CFAP74: variants seen among roughly 807,000 people sequenced by gnomAD.
CFAP74 encodes cilia- and flagella-associated protein 74.
In CFAP74, 124 loss-of-function variants were observed where a neutral mutation model predicts 188.9. That is an observed-to-expected ratio of 0.66 (90% CI 0.57 to 0.76). The LOEUF (loss-of-function observed/expected upper bound fraction) is 0.76, where lower values mean the gene tolerates loss of function less well. Ranked by LOEUF, CFAP74 falls within the 30% of genes least tolerant of loss-of-function variation. The pLI is 0.00. For synonymous variants in CFAP74, 956 were observed against 916.7 expected (o/e 1.04, Z -0.77); for missense variants, 2,198 against 2,165.2 (o/e 1.02, Z -0.30).
Position 1,922,648 on chromosome 1 carries a change from C to A in CFAP74, c.4759G>T (p.Val1587Leu), listed in dbSNP as rs368807816. 5.9e-4 allele frequency: 954 copies of A among 1,603,390 alleles called. 14 individuals are homozygous for A. The South Asian group carries it at 0.01, about 17-fold the overall frequency. ...GFSIEPSRGSVERGQTKTISI... is the reference protein window; with the variant it reads ...GFSIEPSRGSLERGQTKTISI... ...ATGGTCTTCGTCTGGCCGCGCTCCA[C>A]GGAGCCCCTGGAGGGCTCAATAGAG... is the stretch of plus-strand genomic sequence containing the variant. The change falls in exon 38 of 39, where the codon GTG becomes TTG. Residue 1587 changes from valine to leucine, a missense_variant. Coordinates refer to ENST00000682832, the MANE Select transcript of CFAP74 (RefSeq NM_001304360.2).
Position 1,990,934 on chromosome 1 carries a change from A to G in CFAP74, c.23T>C (p.Leu8Pro). 6.2e-7 allele frequency: 1 copy of G among 1,613,200 alleles called. No individual in the cohort carries two copies. ...ATCGGCCAAAAGCTCGTCCTCAGGG[A>G]GCAGGCTGCCGTCATCCTCCATGCT... Reference protein sequence around the residue: MEDDGSLLPEDELLADAL... With the variant: MEDDGSLPPEDELLADAL... The change falls in exon 2 of 39, where the codon CTC becomes CCC. Residue 8 changes from leucine (L) to proline (P), a missense_variant. Physicochemically the swap from Leu to Pro is moderately conservative, Grantham distance 98. Coordinates refer to ENST00000682832, the MANE Select transcript of CFAP74 (RefSeq NM_001304360.2).
chr1:1,932,396 CAAA>C (rs374579472), intron 25 of CFAP74, among the ~76,000 whole-genome samples: 10 of 98,240 alleles, frequency 1.0e-4, no homozygotes, highest in East Asian at 3.5e-4. Flanking sequence ...GACTCTGTCT[CAAA>C]AAAAAAAAAA....
At chr1:1,959,234 A>G in intron 15 of CFAP74, 25 bp from the exon 16 acceptor site, 1 of 1,399,048 alleles carries the variant, frequency 7.1e-7, no homozygotes, top group South Asian at 1.2e-5. Flanking sequence ...AACCCCCACC[A>G]CAATACACTT....
intron 20 of CFAP74, 34 bp downstream of exon 20, chr1:1,946,283 G>C (rs1468467827): frequency 6.6e-7 from 1 of 1,515,158 alleles, no homozygotes; most frequent in South Asian, 1.2e-5. Context: ...CAGGGGCCAG[G>C]GTGTGTGCGT....
chr1:1,928,542 C>T (rs1189697501), intron 27 of CFAP74, among the ~76,000 whole-genome samples: 1 of 152,206 alleles, frequency 6.6e-6, no homozygotes, highest in Non-Finnish European at 1.5e-5. Flanking sequence ...CCCCTACTGC[C>T]CCCACCTCCA....
rs968825685 is a variant in CFAP74, at chr1:1,939,088, G to A, written c.2878-100C>T. 35 of 1,246,876 alleles carry A rather than the reference G, an allele frequency of 2.8e-5. 2 individuals carry two copies. Among genetic ancestry groups the A allele is most frequent in the South Asian group, 2.3e-4 (16 of 69,500 alleles). 77.2% of individuals were successfully genotyped at this position (1,246,876 alleles called of 1,614,324 possible). A position where few individuals can be genotyped will look rare whatever the true frequency, so the allele number is the denominator to read the frequency against. ...GTGAGAGTAAGAGATGAGTGTGATC[G>A]TGTGTGAGCGAATGTGAGGGTGAGA... On this transcript the variant is annotated intron_variant, in intron 24 of 38. Transcript: ENST00000682832.
chr1:1,954,981 T>G, intron 18 of CFAP74: 2 of 1,166,156 alleles, frequency 1.7e-6, no homozygotes, highest in Non-Finnish European at 2.1e-6. Flanking sequence ...AACCCGAGGC[T>G]CTCTCAGGAA....
intron 11 of CFAP74, among the ~76,000 whole-genome samples, chr1:1,967,036 C>T (rs1299981381): frequency 6.6e-6 from 1 of 152,160 alleles, no homozygotes; most frequent in Non-Finnish European, 1.5e-5. Flanking sequence ...TGGGGTTTCA[C>T]TATGTTGGCC....
intron 18 of CFAP74, among the ~76,000 whole-genome samples, chr1:1,950,140 G>T (rs1339801019): frequency 6.6e-6 from 1 of 152,070 alleles, no homozygotes; most frequent in Non-Finnish European, 1.5e-5. Flanking sequence ...CTCCTCACCG[G>T]CACTTGCTAT....
intron 21 of CFAP74, among the ~76,000 whole-genome samples, chr1:1,943,141 C>T (rs1013529426): frequency 5.3e-5 from 8 of 152,190 alleles, no homozygotes; most frequent in Non-Finnish European, 1.2e-4. Flanking sequence ...AATGAGCACA[C>T]AGCTACACTG....
intron 1 of CFAP74, among the ~76,000 whole-genome samples, chr1:1,993,907 G>A (rs566513451): frequency 4.3e-4 from 64 of 150,446 alleles, no homozygotes; most frequent in East Asian, 4.1e-3. Context: ...GCGTGAACCC[G>A]GGAGGCGGAG....
chr1:1,991,077 A>G, intron 1 of CFAP74, 102 bp from the exon 2 acceptor site: 1 of 745,602 alleles, frequency 1.3e-6, no homozygotes, highest in Non-Finnish European at 2.2e-6. Context: ...AACAAACGAC[A>G]GATTAGGAAA....
At chr1:1,985,556 C>A in intron 5 of CFAP74, 66 bp from the exon 6 acceptor site, 2 of 1,262,454 alleles carry the variant, frequency 1.6e-6, no homozygotes, top group Non-Finnish European at 2.3e-6. Context: ...CATCCAGGTT[C>A]ACCTGGCACT....
intron 18 of CFAP74, chr1:1,954,659 CT>C: frequency 3.9e-6 from 1 of 258,560 alleles, no homozygotes; most frequent in Non-Finnish European, 6.3e-6. Context: ...TGGTGCGTGC[CT>C]GTAGTTCCAG....
At chr1:1,969,242 C>T (rs1351183058) in intron 10 of CFAP74, among the ~76,000 whole-genome samples, 6 of 107,690 alleles carry the variant, frequency 5.6e-5, no homozygotes, top group Non-Finnish European at 1.2e-4. Flanking sequence ...CCAACCCAGC[C>T]CTGCCCAGCC....
At chr1:1,988,803 C>CG in intron 3 of CFAP74, 86 bp downstream of exon 3, 1 of 1,029,416 alleles carries the variant, frequency 9.7e-7, no homozygotes. Flanking sequence ...AGGAAGCAGC[C>CG]GCCCCGCTCC....
Position 1,993,791 on chromosome 1 carries a change from G to A in CFAP74, c.-19-2816C>T, listed in dbSNP as rs958806968. ...AGGTCAGGAGATCGAGACCATCCTG[G>A]CTAACACAATGAAACCCCACCTCTA... On this transcript the variant is annotated intron_variant, in intron 1 of 38. Transcript: ENST00000682832. 2.7e-4 allele frequency among the ~76,000 whole-genome samples: 4 copies of A among 15,046 alleles called. No homozygotes were observed. The South Asian group carries it at 5.7e-3, about 21-fold the overall frequency. 9.9% of individuals were successfully genotyped at this position (15,046 alleles called of 152,430 possible).
At chr1:1,955,324 C>G in intron 18 of CFAP74, 1 of 1,310,092 alleles carries the variant, frequency 7.6e-7, no homozygotes, top group Non-Finnish European at 1.0e-6. Flanking sequence ...CCCGCTGGTG[C>G]GCGTCTAACA....
chr1:1,996,356 AGG>A (rs1280026228), intron 1 of CFAP74, among the ~76,000 whole-genome samples: 1 of 152,212 alleles, frequency 6.6e-6, no homozygotes, highest in Non-Finnish European at 1.5e-5. Context: ...AAAGAAAGGC[AGG>A]AAGCATAAAC....
Sources: allele counts gnomAD v4.1 joint callset (sites outside exome capture counted in the v4.1 genomes callset), GRCh38; gene constraint gnomAD v4.1.1; transcripts MANE v1.5; gene names NCBI Gene and HGNC (gene_info 2026-07-23, HGNC 2026-07-21).